Variants in TNNI3K observed in about 807,000 individuals in gnomAD.
The protein encoded by TNNI3K is serine/threonine-protein kinase TNNI3K.
In TNNI3K, 140 loss-of-function variants were observed where a neutral mutation model predicts 114.5. That is an observed-to-expected ratio of 1.22 (90% CI 1.07 to 1.41). TNNI3K has a LOEUF of 1.41. Ranked by LOEUF, TNNI3K falls within the 40% of genes most tolerant of loss-of-function variation. The probability of loss-of-function intolerance (pLI) is 0.00; values close to 1 mark genes in which losing one functional copy is unlikely to be tolerated. For synonymous variants in TNNI3K, 347 were observed against 347.5 expected (o/e 1.00, Z 0.02); for missense variants, 1,125 against 1,007.6 (o/e 1.12, Z -1.58).
chr1:74,404,292 G>C (rs1267092534), intron 17 of TNNI3K, among the ~76,000 whole-genome samples: 1 of 152,088 alleles, frequency 6.6e-6, no homozygotes, highest in Non-Finnish European at 1.5e-5. Flanking sequence ...ATTGCTGTAT[G>C]AGTTGTTTTT....
At chr1:74,286,444 G>A (rs1287953208) in intron 5 of TNNI3K, among the ~76,000 whole-genome samples, 2 of 152,272 alleles carry the variant, frequency 1.3e-5, no homozygotes, top group South Asian at 2.1e-4. Context: ...CATAAGTCAG[G>A]CTGCAGGCCA....
intron 5 of TNNI3K, among the ~76,000 whole-genome samples, chr1:74,280,157 C>A (rs551798381): frequency 1.3e-5 from 2 of 152,080 alleles, no homozygotes; most frequent in African/African-American, 4.8e-5. Flanking sequence ...CCGAGATGGG[C>A]TGTTCACGAG....
At chr1:74,428,204 G>A (rs977306843) in intron 17 of TNNI3K, among the ~76,000 whole-genome samples, 49 of 152,066 alleles carry the variant, frequency 3.2e-4, no homozygotes, top group African/African-American at 1.2e-3. Context: ...AGTCATGATA[G>A]GGGCTTTGGT....
chr1:74,495,674 AC>A, intron 23 of TNNI3K, among the ~76,000 whole-genome samples: 1 of 152,258 alleles, frequency 6.6e-6, no homozygotes, highest in Non-Finnish European at 1.5e-5. Context: ...AAGGTAAGCA[AC>A]TTTCCCAAGT....
At chr1:74,506,779 C>T (rs1027502492) in intron 23 of TNNI3K, among the ~76,000 whole-genome samples, 2 of 152,168 alleles carry the variant, frequency 1.3e-5, no homozygotes, top group Non-Finnish European at 2.9e-5. Context: ...TCACCTTGCT[C>T]TTATCTCTTT....
rs181860504 is a variant in TNNI3K, at chr1:74,463,625, T to A, written c.2121+75T>A. ...TCACAAATAGTATAACTCCAAAGTC[T>A]ACTTTCAGTGTGTATTTTAAGACTG... On this transcript the variant is annotated intron_variant, in intron 21 of 24. Transcript: ENST00000326637. The A allele has an allele frequency of 3.5e-5, 53 of 1,526,164 alleles. No homozygotes were observed. The African/African-American group carries it at 6.7e-4, about 19-fold the overall frequency. 94.5% of individuals were successfully genotyped at this position (1,526,164 alleles called of 1,614,324 possible).
intron 21 of TNNI3K, chr1:74,472,070 G>C: frequency 1.4e-6 from 1 of 716,786 alleles, no homozygotes; most frequent in Non-Finnish European, 2.6e-6. Context: ...TGCCTATGAG[G>C]GTGTAAGCCA....
chr1:74,380,258 T>C (rs1412316091), intron 17 of TNNI3K, among the ~76,000 whole-genome samples: 1 of 152,158 alleles, frequency 6.6e-6, no homozygotes, highest in Non-Finnish European at 1.5e-5. Context: ...AGGTACTAAT[T>C]TGACCAAAAC....
At chr1:74,342,217 G>A (rs2100442951) in intron 7 of TNNI3K, among the ~76,000 whole-genome samples, 1 of 152,212 alleles carries the variant, frequency 6.6e-6, no homozygotes, top group East Asian at 1.9e-4. Context: ...TCAACGAGAA[G>A]GACACATGTC....
chr1:74,382,510 C>A (rs573315859), intron 17 of TNNI3K, among the ~76,000 whole-genome samples: 2 of 152,290 alleles, frequency 1.3e-5, no homozygotes, highest in East Asian at 3.9e-4. Context: ...TCTAGATTAT[C>A]TTTCTCTAAC....
intron 11 of TNNI3K, among the ~76,000 whole-genome samples, chr1:74,357,897 G>A (rs578194538): frequency 6.6e-6 from 1 of 152,140 alleles, no homozygotes; most frequent in African/African-American, 2.4e-5. Flanking sequence ...AATTTAAATT[G>A]GTCAGAAGAA....
At chr1:74,365,485 C>G (rs1662221599) in intron 11 of TNNI3K, among the ~76,000 whole-genome samples, 1 of 152,028 alleles carries the variant, frequency 6.6e-6, no homozygotes, top group Non-Finnish European at 1.5e-5. Flanking sequence ...ACTTGCACTT[C>G]AAGTGATTCT....
chr1:74,394,913 G>A (rs1032758752), intron 17 of TNNI3K, among the ~76,000 whole-genome samples: 51 of 151,902 alleles, frequency 3.4e-4, no homozygotes, highest in African/African-American at 9.9e-4. Context: ...GCATGGTGGC[G>A]GGCACCTGTA....
At chr1:74,285,147 C>A (rs1657251483) in intron 5 of TNNI3K, among the ~76,000 whole-genome samples, 1 of 152,146 alleles carries the variant, frequency 6.6e-6, no homozygotes, top group African/African-American at 2.4e-5. Flanking sequence ...CTTATAAGGC[C>A]CGTGTCCAGA....
intron 4 of TNNI3K, among the ~76,000 whole-genome samples, chr1:74,270,922 A>G (rs1214382415): frequency 1.3e-5 from 2 of 151,816 alleles, no homozygotes; most frequent in African/African-American, 4.8e-5. Flanking sequence ...AAAGGCAGAA[A>G]TACAATACAA....
chr1:74,297,575 A>G (rs536225191), intron 5 of TNNI3K, among the ~76,000 whole-genome samples: 12 of 149,208 alleles, frequency 8.0e-5, no homozygotes, highest in African/African-American at 3.0e-4. Flanking sequence ...TATTTTCTTT[A>G]TCCATTCACC....
rs78778504 is a variant in TNNI3K, at chr1:74,244,780, G to A, written c.150-4679G>A. ...TAGGTGTTTAGCAGGTGTTGTGCCA[G>A]ACTTATTGAATGGATCATCAAATTT... On this transcript the variant is annotated intron_variant, in intron 2 of 24. Transcript: ENST00000326637. 7.5e-3 allele frequency among the ~76,000 whole-genome samples: 1,144 copies of A among 151,732 alleles called. 17 individuals carry two copies. Among genetic ancestry groups the A allele is most frequent in the African/African-American group, 0.026 (1,093 of 41,332 alleles).
intron 4 of TNNI3K, among the ~76,000 whole-genome samples, chr1:74,258,394 T>C (rs972268134): frequency 1.3e-5 from 2 of 152,226 alleles, no homozygotes; most frequent in African/African-American, 4.8e-5. Flanking sequence ...CAGAAAAGTA[T>C]TTCAGGCAGA....
rs1653785190 is a variant in TNNI3K at position 74,235,387 on chromosome 1, G to T, written c.-65G>T. On this transcript the variant is annotated 5_prime_UTR_variant, in exon 1 of 25. Coordinates refer to ENST00000326637, the MANE Select transcript of TNNI3K (RefSeq NM_015978.3). ...AGTATTTTTCAACTGGACTGTCACT[G>T]CACTTGAACTTGGAATCTTATAACT... 9.1e-7 allele frequency: 1 copy of T among 1,104,956 alleles called. No homozygotes were observed. Among genetic ancestry groups the T allele is most frequent in the Non-Finnish European group, 1.3e-6 (1 of 747,392 alleles). The allele number at this position is 1,104,956 out of a possible 1,614,324, so 68.4% of individuals were successfully genotyped here.
Sources: gnomAD v4.1 joint callset for allele counts (sites outside exome capture counted in the v4.1 genomes callset) on GRCh38, gnomAD v4.1.1 for gene constraint, MANE v1.5 for transcripts, NCBI Gene and HGNC (gene_info 2026-07-23, HGNC 2026-07-21) for gene names.